Variants in SNX8 observed in about 807,000 individuals in gnomAD.
SNX8 encodes sorting nexin 8.
Under a neutral mutation model 51.6 loss-of-function variants are expected in SNX8, and 25 were observed. The ratio of observed to expected loss-of-function variants is 0.48; its 90% CI spans 0.35 to 0.68. SNX8 has a LOEUF of 0.68. Ranked by LOEUF, SNX8 falls within the 30% of genes least tolerant of loss-of-function variation. SNX8 has a pLI of 0.00. For missense variants in SNX8, 695 were observed against 624.0 expected, an observed-to-expected ratio of 1.11 and a Z score of -1.21; for synonymous variants, 324 against 277.0, an observed-to-expected ratio of 1.17 and a Z score of -1.68.
At chr7:2,264,695 CCA>C (rs1474456703) in intron 5 of SNX8, among the ~76,000 whole-genome samples, 1 of 152,182 alleles carries the variant, frequency 6.6e-6, no homozygotes, top group Non-Finnish European at 1.5e-5. Flanking sequence ...GGGATGAGGA[CCA>C]CAGAGTCCAC....
intron 1 of SNX8, among the ~76,000 whole-genome samples, chr7:2,342,076 T>C (rs1206414409): frequency 1.4e-5 from 2 of 147,614 alleles, no homozygotes; most frequent in East Asian, 4.1e-4. Flanking sequence ...TCTGGATCTC[T>C]CAGATGCAAG....
At chr7:2,268,189 C>G (rs1795529529) in intron 5 of SNX8, among the ~76,000 whole-genome samples, 1 of 141,944 alleles carries the variant, frequency 7.0e-6, no homozygotes, top group Admixed American at 6.9e-5. Context: ...TCCGCCCGGC[C>G]AGCCGCCCCA....
intron 1 of SNX8, among the ~76,000 whole-genome samples, chr7:2,292,073 G>C (rs1477849690): frequency 6.6e-6 from 1 of 152,208 alleles, no homozygotes; most frequent in East Asian, 1.9e-4. Flanking sequence ...ACACCAGCCT[G>C]ACCAACATGG....
At chr7:2,300,300 T>C (rs1266516197) in intron 1 of SNX8, among the ~76,000 whole-genome samples, 1 of 152,212 alleles carries the variant, frequency 6.6e-6, no homozygotes, top group Non-Finnish European at 1.5e-5. Context: ...GATTTGTTTT[T>C]TCAGAGCTGA....
chr7:2,255,243 T>C (rs1056606068), intron 10 of SNX8, 74 bp from the exon 11 acceptor site: 1 of 972,978 alleles, frequency 1.0e-6, no homozygotes, highest in South Asian at 1.7e-5. Flanking sequence ...TCCCAGTTCC[T>C]TCGCCTGCCA....
At chr7:2,338,559 G>A (rs1383508984) in intron 1 of SNX8, among the ~76,000 whole-genome samples, 4 of 151,996 alleles carry the variant, frequency 2.6e-5, no homozygotes, top group Admixed American at 6.6e-5. Context: ...GCTTGAACCC[G>A]GGAGGCTGAG....
At chr7:2,331,705 AAAATAAATAAATAAAT>A (rs61385746) in intron 1 of SNX8, among the ~76,000 whole-genome samples, 1 of 145,492 alleles carries the variant, frequency 6.9e-6, no homozygotes, top group Non-Finnish European at 1.5e-5. Context: ...ACTCCGTCTC[AAAATAAATAAATAAAT>A]AAATAAATAA....
At chr7:2,268,347 G>A (rs1467596362) in intron 5 of SNX8, among the ~76,000 whole-genome samples, 17 of 143,654 alleles carry the variant, frequency 1.2e-4, no homozygotes, top group African/African-American at 4.4e-4. Context: ...CCGCCCGGCA[G>A]CTGCCCTGTC....
At chr7:2,306,773 A>G (rs1029260902) in intron 1 of SNX8, among the ~76,000 whole-genome samples, 2 of 152,208 alleles carry the variant, frequency 1.3e-5, no homozygotes, top group African/African-American at 4.8e-5. Context: ...TGGTTGTATC[A>G]CTTGTATAAC....
intron 1 of SNX8, among the ~76,000 whole-genome samples, chr7:2,353,634 CACCATGTTGT>C (rs1476127482): frequency 1.3e-5 from 2 of 152,042 alleles, no homozygotes; most frequent in Non-Finnish European, 2.9e-5. Flanking sequence ...CAAGTACATT[CACCATGTTGT>C]ACCATCACCA....
chr7:2,345,622 G>A (rs1466770939), intron 1 of SNX8, among the ~76,000 whole-genome samples: 9 of 151,326 alleles, frequency 5.9e-5, no homozygotes, highest in African/African-American at 2.2e-4. Context: ...AGGATGCAGT[G>A]AGCCAAGATC....
chr7:2,264,224 C>T, intron 6 of SNX8, 74 bp downstream of exon 6: 1 of 1,446,626 alleles, frequency 6.9e-7, no homozygotes, highest in East Asian at 2.3e-5. Flanking sequence ...AACGCACTTT[C>T]CGCCCAAGCC....
At chr7:2,258,295 G>T (rs553271080) in intron 7 of SNX8, among the ~76,000 whole-genome samples, 24 of 152,188 alleles carry the variant, frequency 1.6e-4, no homozygotes, top group Admixed American at 1.0e-3. Flanking sequence ...GATTACAGGC[G>T]TGAGCCACCG....
In SNX8 at chr7:2,294,761, G is replaced by C. The variant is rs546131636; in HGVS notation, c.95-16456C>G. On this transcript the variant is annotated intron_variant, in intron 1 of 10. Transcript: ENST00000222990. ...CTGCTCTAAAATGAGGCCAAGGCCA[G>C]CAGCGGCTCACACCTGTAATCCCAG... 2.0e-5 allele frequency among the ~76,000 whole-genome samples: 3 copies of C among 152,316 alleles called. No individual in the cohort carries two copies. In the South Asian group the frequency reaches 6.2e-4, roughly 32 times the overall value.
intron 7 of SNX8, among the ~76,000 whole-genome samples, chr7:2,262,689 C>T (rs1223577370): frequency 2.0e-5 from 3 of 152,226 alleles, no homozygotes; most frequent in African/African-American, 7.2e-5. Context: ...AAAATCAACA[C>T]TCAAGACTAC....
At chr7:2,351,905 GTTTTTTTTT>G (rs748043966) in intron 1 of SNX8, among the ~76,000 whole-genome samples, 1 of 88,324 alleles carries the variant, frequency 1.1e-5, no homozygotes, top group African/African-American at 3.8e-5. Context: ...GTTGTTGTTG[GTTTTTTTTT>G]TTTTTTTTTT....
chr7:2,352,703 G>C (rs1156612296), intron 1 of SNX8, among the ~76,000 whole-genome samples: 1 of 152,112 alleles, frequency 6.6e-6, no homozygotes, highest in African/African-American at 2.4e-5. Context: ...AGGCGTGGTG[G>C]CGGGCACCTG....
At chr7:2,343,701 A>G (rs1283833851) in intron 1 of SNX8, among the ~76,000 whole-genome samples, 3 of 152,104 alleles carry the variant, frequency 2.0e-5, no homozygotes, top group Non-Finnish European at 2.9e-5. Flanking sequence ...AAAGAAGATT[A>G]TCTTCCCACT....
At chr7:2,278,445 A>C (rs1054946817) in intron 1 of SNX8, 140 bp from the exon 2 acceptor site, 20 of 587,740 alleles carry the variant, frequency 3.4e-5, no homozygotes, top group Admixed American at 1.6e-4. Flanking sequence ...GGAGTTCAAG[A>C]CCAGCCTAGG....
Sources: gnomAD v4.1 joint callset for allele counts (sites outside exome capture counted in the v4.1 genomes callset) on GRCh38, gnomAD v4.1.1 for gene constraint, MANE v1.5 for transcripts, NCBI Gene and HGNC (gene_info 2026-07-23, HGNC 2026-07-21) for gene names.